The following LAMB4 variants were observed in gnomAD, a reference collection of about 807,000 sequenced individuals.
The protein encoded by LAMB4 is laminin subunit beta 4.
Under a neutral mutation model 199.2 loss-of-function variants are expected in LAMB4, and 196 were observed. The ratio of observed to expected loss-of-function variants is 0.98; its 90% CI spans 0.88 to 1.11. LAMB4 has a LOEUF of 1.11. Among genes scored for constraint, LAMB4 ranks in the 50% least tolerant of loss-of-function variants. LAMB4 has a pLI of 0.00. For missense variants in LAMB4, 2,080 were observed against 2,171.2 expected (o/e 0.96, Z 0.83); for synonymous variants, 744 against 770.6 (o/e 0.97, Z 0.57).
intron 14 of LAMB4, among the ~76,000 whole-genome samples, chr7:108,086,276 C>T (rs1043210298): frequency 2.0e-5 from 3 of 152,124 alleles, no homozygotes; most frequent in Non-Finnish European, 4.4e-5. Context: ...ACTTGACCCT[C>T]GACCCCATAC....
chr7:108,050,115 A>G (rs1229693904), intron 26 of LAMB4, among the ~76,000 whole-genome samples: 2 of 152,194 alleles, frequency 1.3e-5, no homozygotes, highest in East Asian at 3.9e-4. Flanking sequence ...GGCAGTATGT[A>G]AATAAAGAGG....
chr7:108,057,967 A>C, intron 23 of LAMB4, 39 bp from the exon 24 acceptor site: 1 of 1,367,550 alleles, frequency 7.3e-7, no homozygotes, highest in South Asian at 1.2e-5. Flanking sequence ...GACAAGTTTT[A>C]TGGTCTAAAA....
At chr7:108,036,683 C>T (rs1438945198) in intron 30 of LAMB4, among the ~76,000 whole-genome samples, 1 of 152,008 alleles carries the variant, frequency 6.6e-6, no homozygotes, top group Admixed American at 6.6e-5. Flanking sequence ...GTAACCCTGA[C>T]CCACAGCACC....
chr7:108,115,707 G>T (rs562177387), intron 3 of LAMB4, among the ~76,000 whole-genome samples: 2 of 152,316 alleles, frequency 1.3e-5, no homozygotes, highest in Non-Finnish European at 1.5e-5. Flanking sequence ...TTTACATTAT[G>T]TTAGGTATTA....
intron 23 of LAMB4, among the ~76,000 whole-genome samples, chr7:108,062,143 TC>T (rs1259574391): frequency 6.6e-6 from 1 of 152,220 alleles, no homozygotes; most frequent in South Asian, 2.1e-4. Flanking sequence ...ATAGTTTTTT[TC>T]CCACAAGTAA....
intron 14 of LAMB4, among the ~76,000 whole-genome samples, chr7:108,090,150 T>C (rs2037342859): frequency 6.6e-6 from 1 of 152,206 alleles, no homozygotes; most frequent in African/African-American, 2.4e-5. Context: ...GTGCAAAGCA[T>C]AGCACATTAA....
intron 2 of LAMB4, among the ~76,000 whole-genome samples, chr7:108,120,316 T>G (rs1285007608): frequency 6.6e-6 from 1 of 152,234 alleles, no homozygotes; most frequent in Admixed American, 6.5e-5. Flanking sequence ...TTAAACATTA[T>G]TCACATGAAC....
chr7:108,054,683 C>G (rs2035924802), intron 25 of LAMB4, among the ~76,000 whole-genome samples: 1 of 152,108 alleles, frequency 6.6e-6, no homozygotes, highest in South Asian at 2.1e-4. Context: ...GTCATAACTA[C>G]TCAACTATGC....
At chr7:108,036,349 C>T (rs530670510) in intron 30 of LAMB4, among the ~76,000 whole-genome samples, 6 of 152,126 alleles carry the variant, frequency 3.9e-5, no homozygotes, top group South Asian at 2.1e-4. Flanking sequence ...CCACTACACC[C>T]GGCAAATTTT....
At chr7:108,090,656 T>C (rs1382044612) in intron 14 of LAMB4, among the ~76,000 whole-genome samples, 1 of 152,234 alleles carries the variant, frequency 6.6e-6, no homozygotes, top group Non-Finnish European at 1.5e-5. Context: ...CCATCTATTT[T>C]AGATAATTAT....
intron 31 of LAMB4, among the ~76,000 whole-genome samples, 163 bp downstream of exon 31, chr7:108,034,045 T>C (rs1431394047): frequency 6.6e-6 from 1 of 152,158 alleles, no homozygotes; most frequent in Non-Finnish European, 1.5e-5. Flanking sequence ...AGACGTGCTC[T>C]GTAGAACATT....
intron 10 of LAMB4, among the ~76,000 whole-genome samples, chr7:108,100,181 C>T (rs1010484761): frequency 1.3e-5 from 2 of 152,054 alleles, no homozygotes; most frequent in African/African-American, 2.4e-5. Flanking sequence ...ATGTCATGAC[C>T]TTTAGAAGTC....
intron 17 of LAMB4, among the ~76,000 whole-genome samples, chr7:108,074,303 A>G (rs1037380798): frequency 1.3e-5 from 2 of 152,200 alleles, no homozygotes; most frequent in Non-Finnish European, 2.9e-5. Flanking sequence ...TTCATACTTC[A>G]GGTTTTCCAT....
chr7:108,054,792 C>T (rs2035927718), intron 25 of LAMB4, among the ~76,000 whole-genome samples: 1 of 152,114 alleles, frequency 6.6e-6, no homozygotes, highest in Non-Finnish European at 1.5e-5. Context: ...TGTCAGATTC[C>T]ACCTGTGGGC....
rs539193444 is a variant in LAMB4 at position 108,121,671 on chromosome 7, A to C, written c.34+1460T>G. ...AGGCTGAGGCAGGAGAATTGCTTGA[A>C]CCCAGGAGGTGGAGGTTGCAGTGAG... On this transcript the variant is annotated intron_variant, in intron 2 of 33. Coordinates refer to ENST00000388781, the MANE Select transcript of LAMB4 (RefSeq NM_007356.3). 6.6e-5 allele frequency among the ~76,000 whole-genome samples: 10 copies of C among 151,710 alleles called. No homozygotes were observed. The East Asian group carries it at 1.9e-3, about 29-fold the overall frequency.
chr7:108,106,683 G>T, intron 6 of LAMB4, 111 bp from the exon 7 acceptor site: 1 of 622,568 alleles, frequency 1.6e-6, no homozygotes, highest in Non-Finnish European at 2.8e-6. Flanking sequence ...TACCACTTCA[G>T]CCTCCCAAGT....
chr7:108,078,242 TAG>T lies in LAMB4; in HGVS notation c.1960_1961del (p.Leu654ThrfsTer75). ...GGSEHCIPKT[L>X]QSKPQSFALP... ...AGGCAAAAGACTGAGGCTTTGACTG[TAG>T]AGTCTTGGGTATGCAGTGCTCACTC... On this transcript the variant is annotated frameshift_variant, in exon 16 of 34. Coordinates refer to ENST00000388781, the MANE Select transcript of LAMB4 (RefSeq NM_007356.3). LOFTEE classifies it high-confidence loss of function. 2 of 1,611,848 alleles carry T rather than the reference TAG, an allele frequency of 1.2e-6. No individual in the cohort carries two copies. Among genetic ancestry groups the T allele is most frequent in the Non-Finnish European group, 1.7e-6 (2 of 1,179,122 alleles).
chr7:108,031,605 T>C (rs2035044153), intron 31 of LAMB4, among the ~76,000 whole-genome samples: 1 of 152,086 alleles, frequency 6.6e-6, no homozygotes, highest in African/African-American at 2.4e-5. Flanking sequence ...CCTAACAATA[T>C]ATAGTATTAA....
intron 17 of LAMB4, among the ~76,000 whole-genome samples, chr7:108,072,769 T>C (rs1451749217): frequency 6.6e-6 from 1 of 152,166 alleles, no homozygotes; most frequent in Non-Finnish European, 1.5e-5. Flanking sequence ...TCATAGAAAT[T>C]TGTTCAGTAA....
Sources: gnomAD v4.1 joint callset for allele counts (sites outside exome capture counted in the v4.1 genomes callset) on GRCh38, gnomAD v4.1.1 for gene constraint, MANE v1.5 for transcripts, NCBI Gene and HGNC (gene_info 2026-07-23, HGNC 2026-07-21) for gene names.